TBL1X: variants seen among roughly 807,000 people sequenced by gnomAD.
TBL1X encodes F-box-like/WD repeat-containing protein TBL1X.
Under a neutral mutation model 50.7 loss-of-function variants are expected in TBL1X, and 10 were observed. That is an observed-to-expected ratio of 0.20 (90% CI 0.12 to 0.33). The LOEUF is 0.33. Among genes scored for constraint, TBL1X ranks in the 10% least tolerant of loss-of-function variants. TBL1X has a pLI of 1.00. For synonymous variants in TBL1X, 190 were observed against 214.7 expected (o/e 0.88, Z 1.01); for missense variants, 340 against 504.4 (o/e 0.67, Z 3.12).
In TBL1X at chrX:9,718,615, C is replaced by T. The variant is rs950497372; in HGVS notation, c.*2369C>T. On this transcript the variant is annotated 3_prime_UTR_variant, in exon 18 of 18. Coordinates refer to ENST00000645353, the MANE Select transcript of TBL1X (RefSeq NM_005647.4). ...TGCACTCATCTCTGTAGAACATCTG[C>T]TGTCAAAGGCCAGCCTGTCGTTAGG... 2.7e-5 allele frequency: 3 copies of T among 111,971 alleles called. No homozygotes were observed. Among genetic ancestry groups the T allele is most frequent in the African/African-American group, 9.7e-5 (3 of 30,818 alleles). The allele number at this position is 111,971 out of a possible 1,213,427, so 9.2% of individuals were successfully genotyped here. A position where few individuals can be genotyped will look rare whatever the true frequency, so the allele number is the denominator to read the frequency against.
chrX:9,690,398 A>G (rs1047346567), intron 7 of TBL1X, among the ~76,000 whole-genome samples: 3 of 111,587 alleles, frequency 2.7e-5, no homozygotes, highest in Non-Finnish European at 5.6e-5. Flanking sequence ...CTTGGCTTGT[A>G]GAGACTGTCT....
chrX:9,526,655 T>A (rs764246790), intron 2 of TBL1X, among the ~76,000 whole-genome samples: 34 of 112,359 alleles, frequency 3.0e-4, no homozygotes, highest in Non-Finnish European at 5.3e-4. Flanking sequence ...ACTATTCACC[T>A]CTGCAACTCA....
At chrX:9,491,322 ATATATATATATATATAT>A (rs1229262991) in intron 1 of TBL1X, among the ~76,000 whole-genome samples, 27 of 37,860 alleles carry the variant, frequency 7.1e-4, no homozygotes, top group Middle Eastern at 0.012. Flanking sequence ...ATATATATAT[ATATATATATATATATAT>A]TTTTTTTTTT....
chrX:9,690,254 G>A (rs1272992936), intron 7 of TBL1X, among the ~76,000 whole-genome samples: 1 of 112,256 alleles, frequency 8.9e-6, no homozygotes, highest in Non-Finnish European at 1.9e-5. Flanking sequence ...AAAAACAGCT[G>A]TGAGAGTCAG....
chrX:9,504,200 G>A (rs944274084), intron 2 of TBL1X, among the ~76,000 whole-genome samples: 18 of 111,668 alleles, frequency 1.6e-4, no homozygotes, highest in Admixed American at 8.6e-4. Context: ...CCCTACAGAA[G>A]AGGGACTGGA....
At chrX:9,586,660 G>C (rs780258350) in intron 2 of TBL1X, among the ~76,000 whole-genome samples, 3 of 112,370 alleles carry the variant, frequency 2.7e-5, no homozygotes, top group Non-Finnish European at 3.8e-5. Context: ...CAGGGCTATG[G>C]GAGGCTCAGG....
At chrX:9,564,604 G>A (rs777319108) in intron 2 of TBL1X, among the ~76,000 whole-genome samples, 19 of 110,973 alleles carry the variant, frequency 1.7e-4, no homozygotes, top group Non-Finnish European at 3.2e-4. Flanking sequence ...GTGGTGGCGC[G>A]TGCCTGTTGT....
chrX:9,521,154 G>A (rs183745123), intron 2 of TBL1X, among the ~76,000 whole-genome samples: 13 of 110,721 alleles, frequency 1.2e-4, no homozygotes, highest in Admixed American at 7.7e-4. Context: ...GGGAGGGGAC[G>A]TATTTTTTGC....
At chrX:9,466,768 A>G (rs4830644) in intron 1 of TBL1X, among the ~76,000 whole-genome samples, 11,041 of 112,152 alleles carry the variant, frequency 0.098, 989 homozygotes, top group East Asian at 0.66. Context: ...TAGGAAAAAT[A>G]AAATACAGAA....
chrX:9,592,459 G>GT (rs202105433), intron 2 of TBL1X, among the ~76,000 whole-genome samples: 146 of 111,370 alleles, frequency 1.3e-3, no homozygotes, highest in African/African-American at 4.2e-3. Context: ...TGCATATTCT[G>GT]TTTTTTTTAT....
intron 3 of TBL1X, among the ~76,000 whole-genome samples, chrX:9,642,402 C>T (rs1328856483): frequency 3.6e-5 from 4 of 111,662 alleles, no homozygotes; most frequent in African/African-American, 6.5e-5. Context: ...GCCTATGCTG[C>T]GTGCTGCGTC....
chrX:9,526,155 GGAGA>G (rs1258445152), intron 2 of TBL1X, among the ~76,000 whole-genome samples: 2 of 105,861 alleles, frequency 1.9e-5, no homozygotes, highest in South Asian at 4.3e-4. Context: ...GCGGGGGAGG[GGAGA>G]GAGAGAGAAA....
intron 12 of TBL1X, among the ~76,000 whole-genome samples, chrX:9,698,878 A>C (rs1172229470): frequency 1.2e-5 from 1 of 80,597 alleles, no homozygotes; most frequent in African/African-American, 4.7e-5. Context: ...CCCTTTGTGC[A>C]CTGGAGCCAG....
intron 2 of TBL1X, among the ~76,000 whole-genome samples, chrX:9,634,418 C>T (rs1043626684): frequency 8.9e-6 from 1 of 111,758 alleles, no homozygotes; most frequent in Admixed American, 9.5e-5. Flanking sequence ...GTACTAAGCA[C>T]ATTAAATATT....
intron 1 of TBL1X, among the ~76,000 whole-genome samples, chrX:9,485,720 C>T (rs750970972): frequency 3.6e-4 from 40 of 111,056 alleles, no homozygotes; most frequent in South Asian, 3.8e-4. Context: ...AGCTAGTCAT[C>T]AGGCTTGCCT....
chrX:9,555,048 T>C (rs986225690), intron 2 of TBL1X, among the ~76,000 whole-genome samples: 7 of 112,071 alleles, frequency 6.2e-5, no homozygotes, highest in Admixed American at 5.7e-4. Context: ...ATCCATGTCA[T>C]AGCATGGATT....
intron 5 of TBL1X, among the ~76,000 whole-genome samples, chrX:9,661,082 C>T (rs971911637): frequency 5.3e-4 from 60 of 112,446 alleles, no homozygotes; most frequent in Non-Finnish European, 1.1e-3. Flanking sequence ...CTGTGAAACA[C>T]ACATGTTGTT....
chrX:9,484,387 A>G (rs185958031), intron 1 of TBL1X, among the ~76,000 whole-genome samples: 117 of 111,641 alleles, frequency 1.0e-3, no homozygotes, highest in African/African-American at 3.6e-3. Context: ...ATCACTCTCC[A>G]AAGTTTACTT....
chrX:9,711,248 G>A (rs1268848111), intron 15 of TBL1X, among the ~76,000 whole-genome samples: 3 of 108,111 alleles, frequency 2.8e-5, no homozygotes, highest in Admixed American at 1.0e-4. Flanking sequence ...AGGCTGAGGC[G>A]GGAGGATCAC....
Sources: allele counts gnomAD v4.1 joint callset (sites outside exome capture counted in the v4.1 genomes callset), GRCh38; gene constraint gnomAD v4.1.1; transcripts MANE v1.5; gene names NCBI Gene and HGNC (gene_info 2026-07-23, HGNC 2026-07-21).